SYTL3: variants seen among roughly 807,000 people sequenced by gnomAD.
The protein encoded by SYTL3 is synaptotagmin like 3.
A neutral mutation model predicts 82.1 loss-of-function variants in SYTL3; 88 were observed. The ratio of observed to expected loss-of-function variants is 1.07; its 90% CI spans 0.90 to 1.28. The LOEUF is 1.28. Ranked by LOEUF, SYTL3 falls within the 50% of genes most tolerant of loss-of-function variation. The pLI is 0.00. For missense variants in SYTL3, 831 were observed against 757.6 expected, an observed-to-expected ratio of 1.10 and a Z score of -1.14; for synonymous variants, 311 against 289.4, an observed-to-expected ratio of 1.07 and a Z score of -0.76.
Position 158,682,971 on chromosome 6 carries a change from A to G in SYTL3, c.376A>G (p.Lys126Glu). The stretch of plus-strand genomic sequence containing the variant: ...AGAATGGTTCTATGAGGAACGAGCC[A>G]AGAAATTTCCAACTGGAGGTAAATG... ...TGEWFYEERA[K>E]KFPTGGKHET... The change falls in exon 6 of 18, where the codon AAG (lysine) becomes GAG (glutamate). Residue 126 changes from lysine (K) to glutamate (E), a missense_variant. Physicochemically the swap from Lys to Glu is moderately conservative, Grantham distance 56. Transcript: ENST00000611299. 1 of 1,612,922 alleles carries G rather than the reference A, an allele frequency of 6.2e-7. No homozygotes were observed. Among genetic ancestry groups the G allele is most frequent in the Non-Finnish European group, 8.5e-7 (1 of 1,178,926 alleles).
Position 158,763,373 on chromosome 6 carries a change from CCA to C in SYTL3, c.1588_1589del (p.Gln530ValfsTer83). Reference sequence around the variant, plus strand: ...CAGTCCTGAGGAAGCAGGCTTGCCCCCAGTGGAAACACTCATTTGTCTTCAGT... The same window carrying C: ...CAGTCCTGAGGAAGCAGGCTTGCCCCGTGGAAACACTCATTTGTCTTCAGT... ...SPVLRKQACP[Q>X]WKHSFVFSGV... On this transcript the variant is annotated frameshift_variant, in exon 17 of 18. Transcript: ENST00000611299. LOFTEE classifies it high-confidence loss of function. The C allele has an allele frequency of 6.2e-7, 1 of 1,614,226 alleles. No individual in the cohort carries two copies. Among genetic ancestry groups the C allele is most frequent in the South Asian group, 1.1e-5 (1 of 91,086 alleles).
intron 6 of SYTL3, among the ~76,000 whole-genome samples, chr6:158,685,361 A>T (rs1325037655): frequency 6.6e-6 from 1 of 151,622 alleles, no homozygotes; most frequent in Non-Finnish European, 1.5e-5. Context: ...TTACAGGCAC[A>T]CGCCCCATGT....
At chr6:158,726,061 A>T in intron 11 of SYTL3, 1 of 534,648 alleles carries the variant, frequency 1.9e-6, no homozygotes. Flanking sequence ...ATCTTACAGG[A>T]TCAATGTAGT....
chr6:158,687,781 A>G (rs1488065609), intron 6 of SYTL3, among the ~76,000 whole-genome samples: 1 of 148,608 alleles, frequency 6.7e-6, no homozygotes, highest in Non-Finnish European at 1.5e-5. Context: ...TATTCTGTGA[A>G]GAGAGGGAGC....
chr6:158,653,899 A>G (rs1788358300), intron 2 of SYTL3, among the ~76,000 whole-genome samples: 1 of 152,204 alleles, frequency 6.6e-6, no homozygotes, highest in Non-Finnish European at 1.5e-5. Flanking sequence ...CTGCTCAGAG[A>G]CAATAGATGA....
chr6:158,714,374 A>G (rs569774029), intron 9 of SYTL3, among the ~76,000 whole-genome samples: 1 of 152,260 alleles, frequency 6.6e-6, no homozygotes, highest in East Asian at 1.9e-4. Context: ...GAAAAAAAAA[A>G]AAAGATGCAA....
intron 13 of SYTL3, among the ~76,000 whole-genome samples, chr6:158,752,850 C>A (rs1788560970): frequency 6.6e-6 from 1 of 152,162 alleles, no homozygotes; most frequent in Non-Finnish European, 1.5e-5. Flanking sequence ...GCACAGAGCC[C>A]TGAGTTCATT....
chr6:158,703,812 A>ATATTATTATTATTATTAT (rs531980948), intron 6 of SYTL3, among the ~76,000 whole-genome samples: 153 of 122,654 alleles, frequency 1.2e-3, no homozygotes, highest in African/African-American at 3.0e-3. Context: ...AGTGGGTTTT[A>ATATTATTATTATTATTAT]TATTATTATC....
At chr6:158,673,729 C>T (rs917396524) in intron 5 of SYTL3, among the ~76,000 whole-genome samples, 4 of 151,228 alleles carry the variant, frequency 2.6e-5, no homozygotes, top group Non-Finnish European at 4.4e-5. Flanking sequence ...TGAGCCACCA[C>T]GCCCCGCCAG....
chr6:158,760,599 C>A, intron 14 of SYTL3, 41 bp from the exon 15 acceptor site: 1 of 1,571,946 alleles, frequency 6.4e-7, no homozygotes, highest in Non-Finnish European at 8.8e-7. Context: ...GTTCTTGGGA[C>A]TTGGGGAATC....
Position 158,761,724 on chromosome 6 carries a change from TC to T in SYTL3, c.1415-349del, listed in dbSNP as rs1321012582. The stretch of plus-strand genomic sequence containing the variant: ...ACCAGCAGCAAGTGCCCCATGGCCA[TC>T]CCAACCTCCTAGACAGGGTCTCGGG... On this transcript the variant is annotated intron_variant, in intron 15 of 17. Coordinates refer to ENST00000611299, the MANE Select transcript of SYTL3 (RefSeq NM_001242394.2). 3.3e-5 allele frequency among the ~76,000 whole-genome samples: 5 copies of T among 152,294 alleles called. No individual in the cohort carries two copies. The East Asian group carries it at 9.6e-4, about 29-fold the overall frequency.
intron 2 of SYTL3, among the ~76,000 whole-genome samples, chr6:158,657,181 T>A (rs1167269207): frequency 6.6e-6 from 1 of 151,976 alleles, no homozygotes; most frequent in Non-Finnish European, 1.5e-5. Flanking sequence ...ATCCCAGTAC[T>A]TTGGGAGGCC....
chr6:158,678,116 A>G (rs964675737), intron 5 of SYTL3, among the ~76,000 whole-genome samples: 2 of 152,118 alleles, frequency 1.3e-5, no homozygotes, highest in East Asian at 3.9e-4. Context: ...CGTTCAAGCA[A>G]TCCTCTCGCC....
chr6:158,653,578 A>G (rs1324616750), intron 2 of SYTL3, among the ~76,000 whole-genome samples: 1 of 152,198 alleles, frequency 6.6e-6, no homozygotes, highest in Non-Finnish European at 1.5e-5. Context: ...AGGACAATGC[A>G]GTCACTCAAC....
chr6:158,750,532 T>A (rs1234027557), intron 12 of SYTL3, among the ~76,000 whole-genome samples: 1 of 152,222 alleles, frequency 6.6e-6, no homozygotes, highest in African/African-American at 2.4e-5. Context: ...TTGGTTTGAT[T>A]TTTTGAGACA....
At chr6:158,696,302 C>T (rs780679174) in intron 6 of SYTL3, among the ~76,000 whole-genome samples, 12 of 151,774 alleles carry the variant, frequency 7.9e-5, no homozygotes, top group Non-Finnish European at 1.3e-4. Context: ...AGGGTTCAAG[C>T]GATTCCCGTG....
intron 3 of SYTL3, among the ~76,000 whole-genome samples, chr6:158,662,150 T>A (rs1213355961): frequency 2.0e-5 from 3 of 152,200 alleles, no homozygotes; most frequent in Non-Finnish European, 1.5e-5. Flanking sequence ...AAAGGAAGTT[T>A]AGCTTTTAAA....
rs115734427 is a variant in SYTL3 at position 158,689,558 on chromosome 6, G to A, written c.394+6569G>A. On this transcript the variant is annotated intron_variant, in intron 6 of 17. Transcript: ENST00000611299. ...GCTTGTAGGCAAATCTCCTTTTCCC[G>A]TATAATTTCTTTTGCTTTTATGCTT... Among the ~76,000 whole-genome samples, 1,198 of 151,770 alleles carry A rather than the reference G, an allele frequency of 7.9e-3. 23 individuals are homozygous for A. The highest frequency in any genetic ancestry group is 0.027 in the African/African-American group (1,124 of 41,364).
In SYTL3 at chr6:158,763,298, C is replaced by G; in HGVS notation, c.1518-6C>G. ...AATGATTGCAGGGTTTGTGTTCCCTCTTCAGCTGTCTCACTCTGCCAGACC... is the reference window on the plus strand; with the variant it reads ...AATGATTGCAGGGTTTGTGTTCCCTGTTCAGCTGTCTCACTCTGCCAGACC... On this transcript the variant is annotated splice_polypyrimidine_tract_variant and splice_region_variant and intron_variant, in intron 16 of 17. Transcript: ENST00000611299. The G allele has an allele frequency of 6.2e-7, 1 of 1,614,080 alleles. No individual in the cohort carries two copies. Among genetic ancestry groups the G allele is most frequent in the Non-Finnish European group, 8.5e-7 (1 of 1,179,980 alleles).
Sources: allele counts gnomAD v4.1 joint callset (sites outside exome capture counted in the v4.1 genomes callset), GRCh38; gene constraint gnomAD v4.1.1; transcripts MANE v1.5; gene names NCBI Gene and HGNC (gene_info 2026-07-23, HGNC 2026-07-21).